Variants in MAPT observed in about 807,000 individuals in gnomAD.
MAPT encodes microtubule-associated protein tau.
A neutral mutation model predicts 67.9 loss-of-function variants in MAPT; 34 were observed. The observed-to-expected ratio is 0.50, with a 90% CI of 0.38 to 0.67. The LOEUF is 0.67. MAPT is among the 30% of genes least tolerant of loss of function. The pLI is 0.00. For missense variants in MAPT, 881 were observed against 1,115.2 expected (o/e 0.79, Z 2.99); for synonymous variants, 456 against 464.5 (o/e 0.98, Z 0.23).
intron 1 of MAPT, among the ~76,000 whole-genome samples, chr17:45,917,854 A>G (rs1012433119): frequency 9.2e-5 from 14 of 151,462 alleles, no homozygotes; most frequent in Admixed American, 7.9e-4. Context: ...GTTCACTGCA[A>G]CCTCCGCCTC....
intron 9 of MAPT, among the ~76,000 whole-genome samples, chr17:46,004,166 G>A (rs1473835364): frequency 1.3e-5 from 2 of 152,184 alleles, no homozygotes; most frequent in Non-Finnish European, 2.9e-5. Flanking sequence ...CCAAGTCTGG[G>A]CCAGCCTGGG....
intron 1 of MAPT, among the ~76,000 whole-genome samples, chr17:45,949,676 C>G (rs2068862557): frequency 6.6e-6 from 1 of 152,070 alleles, no homozygotes. Flanking sequence ...ATCCTGAGGG[C>G]TGAAATAAAC....
At chr17:45,987,019 T>A in intron 5 of MAPT, 21 bp from the exon 6 acceptor site, 1 of 1,610,686 alleles carries the variant, frequency 6.2e-7, no homozygotes, top group Non-Finnish European at 8.5e-7. Flanking sequence ...TGACAAGCAT[T>A]CTTATTTTAT....
intron 1 of MAPT, among the ~76,000 whole-genome samples, chr17:45,925,484 CTT>C (rs1341387674): frequency 6.6e-6 from 1 of 152,244 alleles, no homozygotes; most frequent in Non-Finnish European, 1.5e-5. Flanking sequence ...TATTACTACT[CTT>C]TGACCCAGAA....
Position 45,958,494 on chromosome 17 carries a change from C to T in MAPT, c.-17-3827C>T, listed in dbSNP as rs187901703. Among the ~76,000 whole-genome samples, 574 of 152,214 alleles carry T rather than the reference C, an allele frequency of 3.8e-3. 4 individuals carry two copies. Among genetic ancestry groups the T allele is most frequent in the African/African-American group, 0.013 (549 of 41,530 alleles). ...CAGCACTTTGGAAGGCTGAAGCAGG[C>T]GGATCACTTGATCCCAGGAGTTCCA... is the stretch of plus-strand genomic sequence containing the variant. On this transcript the variant is annotated intron_variant, in intron 1 of 12. Transcript: ENST00000262410.
intron 1 of MAPT, among the ~76,000 whole-genome samples, chr17:45,932,255 G>A (rs1054953296): frequency 3.9e-5 from 6 of 152,056 alleles, no homozygotes; most frequent in African/African-American, 1.4e-4. Flanking sequence ...GATGGAAAAT[G>A]CAAATGGCGC....
At chr17:45,920,229 C>A (rs2065568697) in intron 1 of MAPT, among the ~76,000 whole-genome samples, 1 of 152,216 alleles carries the variant, frequency 6.6e-6, no homozygotes, top group African/African-American at 2.4e-5. Context: ...TTCCCCCGAG[C>A]CCTCTGTCCT....
intron 9 of MAPT, among the ~76,000 whole-genome samples, chr17:46,004,390 C>G (rs1444148081): frequency 6.6e-6 from 1 of 152,200 alleles, no homozygotes; most frequent in Non-Finnish European, 1.5e-5. Flanking sequence ...TCACCACAGC[C>G]TCTCCTTCAG....
chr17:46,003,934 C>G (rs1350973093), intron 9 of MAPT, among the ~76,000 whole-genome samples: 3 of 152,212 alleles, frequency 2.0e-5, no homozygotes, highest in Admixed American at 6.5e-5. Flanking sequence ...GGTGACTCTA[C>G]CCTGTTATTT....
At chr17:45,946,068 C>A (rs2068445284) in intron 1 of MAPT, among the ~76,000 whole-genome samples, 1 of 151,956 alleles carries the variant, frequency 6.6e-6, no homozygotes, top group South Asian at 2.1e-4. Context: ...GCCCCTACTA[C>A]TCCTTTAAAG....
At chr17:46,019,130 G>A (rs1378961644) in intron 12 of MAPT, among the ~76,000 whole-genome samples, 8 of 152,160 alleles carry the variant, frequency 5.3e-5, no homozygotes, top group Admixed American at 3.3e-4. Flanking sequence ...CATGGCTGGG[G>A]AGGCCTCAAA....
chr17:45,922,867 T>C (rs926073307), intron 1 of MAPT, among the ~76,000 whole-genome samples: 6 of 152,098 alleles, frequency 3.9e-5, no homozygotes, highest in African/African-American at 1.2e-4. Flanking sequence ...AAATCCTGAA[T>C]AGGACTCAAG....
chr17:45,920,854 C>G (rs2065641698), intron 1 of MAPT, among the ~76,000 whole-genome samples: 1 of 152,180 alleles, frequency 6.6e-6, no homozygotes, highest in African/African-American at 2.4e-5. Flanking sequence ...GCCACAAACT[C>G]ACGGCATGGA....
intron 9 of MAPT, among the ~76,000 whole-genome samples, chr17:46,002,792 C>A (rs185345934): frequency 2.8e-4 from 42 of 152,198 alleles, no homozygotes; most frequent in African/African-American, 9.6e-4. Flanking sequence ...TGATTTGTTT[C>A]TCTTTTTTGA....
At chr17:45,965,791 C>G (rs1432561489) in intron 2 of MAPT, among the ~76,000 whole-genome samples, 1 of 152,162 alleles carries the variant, frequency 6.6e-6, no homozygotes, top group Non-Finnish European at 1.5e-5. Context: ...GTAAATGCCA[C>G]TCTACTTATA....
Position 45,996,296 on chromosome 17 carries a change from C to A in MAPT, c.1733-103C>A. On this transcript the variant is annotated intron_variant, in intron 8 of 12. Coordinates refer to ENST00000262410, the MANE Select transcript of MAPT (RefSeq NM_001377265.1). This position sits in a 1 kb window ranked among gnomAD's most constrained non-coding sequence, Gnocchi z 4.5. The stretch of plus-strand genomic sequence containing the variant: ...CAACCTGGCTTCCACCTGCCTAACC[C>A]AGTGGTGAGCCTGGGAATGGACCCA... 7.5e-7 allele frequency: 1 copy of A among 1,326,866 alleles called. No homozygotes were observed. Among genetic ancestry groups the A allele is most frequent in the Non-Finnish European group, 1.1e-6 (1 of 934,248 alleles). The allele number at this position is 1,326,866 out of a possible 1,614,324, so 82.2% of individuals were successfully genotyped here. A position where few individuals can be genotyped will look rare whatever the true frequency, so the allele number is the denominator to read the frequency against.
At chr17:46,014,730 C>T (rs1367342430) in intron 11 of MAPT, among the ~76,000 whole-genome samples, 5 of 151,894 alleles carry the variant, frequency 3.3e-5, no homozygotes, top group Admixed American at 6.6e-5. Flanking sequence ...AAAAATTAGC[C>T]GGGCGTGGTG....
chr17:45,956,567 TATATATATATATATATATATATATATA>T (rs1328756066), intron 1 of MAPT, among the ~76,000 whole-genome samples: 5,485 of 50,578 alleles, frequency 0.11, 197 homozygotes, highest in East Asian at 0.29. Context: ...TATATATATA[TATATATATATATATATATATATATATA>T]TATATATTTT....
intron 1 of MAPT, among the ~76,000 whole-genome samples, chr17:45,956,071 G>C (rs1173068609): frequency 6.6e-6 from 1 of 152,180 alleles, no homozygotes; most frequent in East Asian, 1.9e-4. Context: ...TTTGCCCATT[G>C]AGAACGGCTG....
Sources: gnomAD v4.1 joint callset for allele counts (sites outside exome capture counted in the v4.1 genomes callset) on GRCh38, gnomAD v4.1.1 for gene constraint, Gnocchi (gnomAD v3.1) non-coding constraint, MANE v1.5 for transcripts, NCBI Gene and HGNC (gene_info 2026-07-23, HGNC 2026-07-21) for gene names.